The following FGF14 variants were observed in gnomAD, a reference collection of about 807,000 sequenced individuals.
FGF14 encodes fibroblast growth factor 14.
Under a neutral mutation model 25.5 loss-of-function variants are expected in FGF14, and 5 were observed. The observed-to-expected ratio is 0.20, with a 90% CI of 0.10 to 0.41. The LOEUF is 0.41. Among genes scored for constraint, FGF14 ranks in the 10% least tolerant of loss-of-function variants. FGF14 has a pLI of 1.00. For synonymous variants in FGF14, 138 were observed against 118.3 expected (o/e 1.17, Z -1.08); for missense variants, 222 against 320.1 (o/e 0.69, Z 2.34).
intron 1 of FGF14, chr13:102,263,173 T>A: frequency 1.7e-6 from 1 of 576,602 alleles, no homozygotes; most frequent in Non-Finnish European, 3.4e-6. Context: ...ATCCTAAAAG[T>A]CTTTTAACCC....
chr13:102,173,324 A>T (rs2048321625), intron 1 of FGF14, among the ~76,000 whole-genome samples: 1 of 152,168 alleles, frequency 6.6e-6, no homozygotes, highest in Admixed American at 6.6e-5. Flanking sequence ...TAAAAAAAAG[A>T]TAAAAAGCAT....
At chr13:102,031,331 C>T (rs559202801) in intron 1 of FGF14, among the ~76,000 whole-genome samples, 1 of 152,170 alleles carries the variant, frequency 6.6e-6, no homozygotes, top group Admixed American at 6.6e-5. Flanking sequence ...CAACACATTA[C>T]ACACCATTTA....
At chr13:101,786,669 T>C (rs887556118) in intron 3 of FGF14, among the ~76,000 whole-genome samples, 1 of 152,152 alleles carries the variant, frequency 6.6e-6, no homozygotes, top group East Asian at 1.9e-4. Flanking sequence ...TTTGATTTCA[T>C]TACCTCCTTA....
intron 1 of FGF14, among the ~76,000 whole-genome samples, chr13:101,894,058 T>C (rs1250289677): frequency 2.6e-5 from 4 of 151,710 alleles, no homozygotes; most frequent in Admixed American, 2.0e-4. Context: ...CTTGCAGAGA[T>C]ATGGAAAGAT....
At chr13:101,874,161 C>T (rs2045267595) in intron 2 of FGF14, among the ~76,000 whole-genome samples, 1 of 151,788 alleles carries the variant, frequency 6.6e-6, no homozygotes, top group African/African-American at 2.4e-5. Context: ...GCAATTTGAT[C>T]ACTGGAATTT....
chr13:102,251,030 A>G (rs2052144643), intron 1 of FGF14, among the ~76,000 whole-genome samples: 1 of 152,256 alleles, frequency 6.6e-6, no homozygotes, highest in South Asian at 2.1e-4. Flanking sequence ...ACACTTAAAA[A>G]TATCAACCAT....
chr13:102,071,923 G>C (rs2043170491), intron 1 of FGF14, among the ~76,000 whole-genome samples: 1 of 152,100 alleles, frequency 6.6e-6, no homozygotes, highest in African/African-American at 2.4e-5. Flanking sequence ...ACTTACTATT[G>C]GCAAAACTAT....
chr13:101,798,143 CT>C (rs1337001750), intron 3 of FGF14, among the ~76,000 whole-genome samples: 8 of 152,016 alleles, frequency 5.3e-5, no homozygotes, highest in Non-Finnish European at 1.2e-4. Context: ...AAGAAAAAAG[CT>C]GACTTGAATC....
intron 1 of FGF14, among the ~76,000 whole-genome samples, chr13:102,150,865 A>C (rs772904886): frequency 4.6e-4 from 70 of 152,348 alleles, no homozygotes; most frequent in Non-Finnish European, 1.5e-4. Context: ...AAAGCATAGG[A>C]CAGCCCCTAC....
upstream of FGF14, among the ~76,000 whole-genome samples, chr13:101,920,767 G>A (rs1454995489): frequency 6.6e-6 from 1 of 152,134 alleles, no homozygotes; most frequent in Non-Finnish European, 1.5e-5. Context: ...TAAGTCCCAA[G>A]TTCAAACCTT....
At chr13:101,759,082 G>A (rs915244389) in intron 3 of FGF14, among the ~76,000 whole-genome samples, 22 of 152,290 alleles carry the variant, frequency 1.4e-4, no homozygotes, top group African/African-American at 5.3e-4. Context: ...AGCTACTACT[G>A]CACAGAGTTA....
intron 3 of FGF14, among the ~76,000 whole-genome samples, chr13:101,751,947 A>AC (rs2037312253): frequency 6.6e-6 from 1 of 152,158 alleles, no homozygotes; most frequent in Non-Finnish European, 1.5e-5. Context: ...AAACAAACAA[A>AC]AAAAACAACT....
chr13:102,247,001 A>G (rs1274270221), intron 1 of FGF14, among the ~76,000 whole-genome samples: 6 of 152,154 alleles, frequency 3.9e-5, no homozygotes, highest in East Asian at 1.9e-4. Flanking sequence ...ATGACTCTCT[A>G]TTCAATAAAT....
At chr13:102,396,681 GCTGT>G (rs1476881157) in intron 1 of FGF14, among the ~76,000 whole-genome samples, 51 of 152,336 alleles carry the variant, frequency 3.3e-4, no homozygotes, top group African/African-American at 1.1e-3. Context: ...AGTTATGGAT[GCTGT>G]CTAAGATGAG....
chr13:102,110,779 C>T (rs949661238), intron 1 of FGF14, among the ~76,000 whole-genome samples: 1 of 152,108 alleles, frequency 6.6e-6, no homozygotes, highest in African/African-American at 2.4e-5. Flanking sequence ...GCCCCTCCAT[C>T]TTCTTCATTT....
intron 1 of FGF14, among the ~76,000 whole-genome samples, chr13:101,960,695 C>T (rs1207330351): frequency 2.0e-5 from 3 of 152,092 alleles, no homozygotes; most frequent in African/African-American, 7.2e-5. Flanking sequence ...TATAGTCCTT[C>T]GGGTGTATAT....
At chr13:101,900,715 C>A (rs775803087) in intron 1 of FGF14, among the ~76,000 whole-genome samples, 1 of 151,932 alleles carries the variant, frequency 6.6e-6, no homozygotes, top group Non-Finnish European at 1.5e-5. Flanking sequence ...TCTTGGGGGC[C>A]GGGTAGTGCT....
At chr13:102,218,851 G>GCT (rs1188502526) in intron 1 of FGF14, among the ~76,000 whole-genome samples, 1 of 151,966 alleles carries the variant, frequency 6.6e-6, no homozygotes, top group East Asian at 1.9e-4. Flanking sequence ...ATTATAAATT[G>GCT]CTCTCTTAAG....
chr13:101,758,525 C>T (rs2037801511), intron 3 of FGF14, among the ~76,000 whole-genome samples: 2 of 152,082 alleles, frequency 1.3e-5, no homozygotes, highest in South Asian at 4.2e-4. Context: ...CTCTTCTGCC[C>T]TTGTAGAGCA....
Sources: allele counts gnomAD v4.1 joint callset (sites outside exome capture counted in the v4.1 genomes callset), GRCh38; gene constraint gnomAD v4.1.1; transcripts MANE v1.5; gene names NCBI Gene and HGNC (gene_info 2026-07-23, HGNC 2026-07-21).